FAT3: variants seen among roughly 807,000 people sequenced by gnomAD.
FAT3 encodes FAT atypical cadherin 3, also known as protocadherin Fat 3.
FAT3 carries 95 observed loss-of-function variants against 310.2 expected under a neutral mutation model. The ratio of observed to expected loss-of-function variants is 0.31; its 90% confidence interval spans 0.26 to 0.36. The LOEUF (loss-of-function observed/expected upper bound fraction) is 0.36, where lower values mean the gene tolerates loss of function less well. FAT3 is among the 10% of genes least tolerant of loss of function. FAT3 has a pLI of 1.00. For missense variants in FAT3, 5,408 were observed against 5,715.6 expected (o/e 0.95, Z 1.74); for synonymous variants, 2,314 against 2,192.9 (o/e 1.06, Z -1.54).
intron 2 of FAT3, among the ~76,000 whole-genome samples, chr11:92,470,462 G>A (rs992721514): frequency 6.6e-6 from 1 of 152,138 alleles, no homozygotes; most frequent in Non-Finnish European, 1.5e-5. Context: ...ATGTAAATAT[G>A]AACATAGAAA....
rs558426987 is a variant in FAT3, at chr11:92,421,272, A to G, written c.3292+65868A>G. On this transcript the variant is annotated intron_variant, in intron 2 of 27. Coordinates refer to ENST00000525166, the MANE Select transcript of FAT3 (RefSeq NM_001367949.2). ...GCTATTTAGTAGTTTCATATTGCTGAGAGCCTAAACATTAATAGGTAATTT... is the reference window on the plus strand; with the variant it reads ...GCTATTTAGTAGTTTCATATTGCTGGGAGCCTAAACATTAATAGGTAATTT... Among the ~76,000 whole-genome samples the G allele has an allele frequency of 3.3e-5, 5 of 152,332 alleles. No individual in the cohort carries two copies. In the East Asian group the frequency reaches 5.8e-4, roughly 18 times the overall value.
chr11:92,314,524 A>G (rs148350855), intron 1 of FAT3, among the ~76,000 whole-genome samples: 266 of 151,878 alleles, frequency 1.8e-3, no homozygotes, highest in Non-Finnish European at 1.3e-3. Flanking sequence ...TGGAAATTGG[A>G]GTTTGGGTTT....
chr11:92,256,017 C>G (rs1865301810), intron 1 of FAT3, among the ~76,000 whole-genome samples: 1 of 152,126 alleles, frequency 6.6e-6, no homozygotes, highest in African/African-American at 2.4e-5. Context: ...TGTAAATATC[C>G]TTAGCTTTTT....
At chr11:92,617,487 G>A (rs545965271) in intron 3 of FAT3, among the ~76,000 whole-genome samples, 11 of 152,114 alleles carry the variant, frequency 7.2e-5, no homozygotes, top group Admixed American at 3.9e-4. Flanking sequence ...CTCTCAACTC[G>A]TCAAAGTCAT....
chr11:92,454,093 A>G (rs528122682), intron 2 of FAT3, among the ~76,000 whole-genome samples: 3 of 152,320 alleles, frequency 2.0e-5, no homozygotes, highest in South Asian at 2.1e-4. Flanking sequence ...TGTAATGAAA[A>G]TTAAAAGTTA....
At chr11:92,878,750 A>C (rs1949601965) in intron 22 of FAT3, among the ~76,000 whole-genome samples, 1 of 151,404 alleles carries the variant, frequency 6.6e-6, no homozygotes, top group Admixed American at 6.6e-5. Context: ...CTGTCATAAA[A>C]AGTAAAGCAA....
At chr11:92,383,455 A>G (rs1334843206) in intron 2 of FAT3, among the ~76,000 whole-genome samples, 1 of 152,146 alleles carries the variant, frequency 6.6e-6, no homozygotes, top group Non-Finnish European at 1.5e-5. Flanking sequence ...CCCTGAAATC[A>G]TTTTGGGCCT....
At chr11:92,334,441 A>T (rs754556998) in intron 1 of FAT3, among the ~76,000 whole-genome samples, 1 of 152,188 alleles carries the variant, frequency 6.6e-6, no homozygotes, top group Non-Finnish European at 1.5e-5. Flanking sequence ...TGCATTTTTA[A>T]TTTTAACAAA....
At chr11:92,533,004 A>C (rs76081355) in intron 3 of FAT3, among the ~76,000 whole-genome samples, 1 of 152,140 alleles carries the variant, frequency 6.6e-6, no homozygotes, top group African/African-American at 2.4e-5. Context: ...CTGCAGATGC[A>C]TAGGGACTTA....
intron 13 of FAT3, among the ~76,000 whole-genome samples, chr11:92,811,918 GGAA>G (rs1312410493): frequency 6.6e-6 from 1 of 152,180 alleles, no homozygotes; most frequent in Non-Finnish European, 1.5e-5. Context: ...AGACAGCTGA[GGAA>G]GAACCAATGA....
At chr11:92,287,736 A>C (rs1444358966) in intron 1 of FAT3, among the ~76,000 whole-genome samples, 1 of 152,134 alleles carries the variant, frequency 6.6e-6, no homozygotes, top group African/African-American at 2.4e-5. Flanking sequence ...TGTAACATTT[A>C]CCGAAGAAGC....
At chr11:92,230,481 A>T (rs1473808875) in intron 1 of FAT3, among the ~76,000 whole-genome samples, 2 of 152,084 alleles carry the variant, frequency 1.3e-5, no homozygotes, top group Non-Finnish European at 2.9e-5. Flanking sequence ...TTTAGTAGAC[A>T]GGGTGTTTCA....
chr11:92,659,027 G>C (rs917581899), intron 3 of FAT3, among the ~76,000 whole-genome samples: 4 of 151,844 alleles, frequency 2.6e-5, no homozygotes, highest in Admixed American at 2.6e-4. Flanking sequence ...CTAACTGCAG[G>C]CTCCTGTTTG....
intron 6 of FAT3, among the ~76,000 whole-genome samples, chr11:92,772,606 C>G (rs1946487469): frequency 1.3e-5 from 2 of 152,046 alleles, no homozygotes; most frequent in African/African-American, 4.8e-5. Flanking sequence ...GAAGATGAGT[C>G]TCTTTTTAGA....
intron 3 of FAT3, among the ~76,000 whole-genome samples, chr11:92,531,682 C>G (rs1247883678): frequency 6.6e-6 from 1 of 151,972 alleles, no homozygotes; most frequent in Non-Finnish European, 1.5e-5. Context: ...CAGCCTTCCT[C>G]TGGGGCTCAG....
chr11:92,624,332 G>A (rs1422724276), intron 3 of FAT3, among the ~76,000 whole-genome samples: 23 of 152,144 alleles, frequency 1.5e-4, no homozygotes, highest in Non-Finnish European at 2.2e-4. Flanking sequence ...TTAGGAAGCC[G>A]GTTAAAGTTG....
rs1949659716 is a variant in FAT3 at position 92,880,965 on chromosome 11, A to G, written c.12281+81A>G. On this transcript the variant is annotated intron_variant, in intron 23 of 27. Coordinates refer to ENST00000525166, the MANE Select transcript of FAT3 (RefSeq NM_001367949.2). ...ACCAGTAAACAACTAATGAGGGTAAAATATTTACCACTAATAGTACAGGCA... is the reference window on the plus strand; with the variant it reads ...ACCAGTAAACAACTAATGAGGGTAAGATATTTACCACTAATAGTACAGGCA... 5 of 1,457,432 alleles carry G rather than the reference A, an allele frequency of 3.4e-6. No individual in the cohort carries two copies. In the Admixed American group the frequency reaches 9.4e-5, roughly 27 times the overall value. The allele number at this position is 1,457,432 out of a possible 1,614,324, so 90.3% of individuals were successfully genotyped here.
chr11:92,708,296 A>G (rs1944418047), intron 4 of FAT3, among the ~76,000 whole-genome samples: 1 of 152,216 alleles, frequency 6.6e-6, no homozygotes, highest in Admixed American at 6.5e-5. Context: ...AGTGAAAAAA[A>G]TCTCTTATAA....
intron 3 of FAT3, among the ~76,000 whole-genome samples, chr11:92,563,920 C>T (rs367587903): frequency 5.3e-4 from 80 of 151,992 alleles, no homozygotes; most frequent in African/African-American, 1.6e-3. Context: ...CGGTACCAGC[C>T]GCTGCAAAAT....
Sources: allele counts gnomAD v4.1 joint callset (sites outside exome capture counted in the v4.1 genomes callset), GRCh38; gene constraint gnomAD v4.1.1; transcripts MANE v1.5; gene names NCBI Gene and HGNC (gene_info 2026-07-23, HGNC 2026-07-21).